AGAP1: variants seen among roughly 807,000 people sequenced by gnomAD.
The protein encoded by AGAP1 is ArfGAP with GTPase domain, ankyrin repeat and PH domain 1, also known as arf-GAP with GTPase, ANK repeat and PH domain-containing protein 1.
In AGAP1, 29 loss-of-function variants were observed where a neutral mutation model predicts 105.3. The observed-to-expected ratio is 0.28, with a 90% CI of 0.21 to 0.38. The LOEUF (loss-of-function observed/expected upper bound fraction) is 0.38, where lower values mean the gene tolerates loss of function less well. Among genes scored for constraint, AGAP1 ranks in the 10% least tolerant of loss-of-function variants. The probability of loss-of-function intolerance (pLI) is 1.00; values close to 1 mark genes in which losing one functional copy is unlikely to be tolerated. For synonymous variants in AGAP1, 509 were observed against 485.9 expected (o/e 1.05, Z -0.63); for missense variants, 998 against 1,165.1 (o/e 0.86, Z 2.09).
chr2:235,832,235 A>C (rs111371561), intron 9 of AGAP1, among the ~76,000 whole-genome samples: 1 of 151,980 alleles, frequency 6.6e-6, no homozygotes, highest in Non-Finnish European at 1.5e-5. Flanking sequence ...TTTTTTATAG[A>C]TATTTTCTCC....
intron 13 of AGAP1, among the ~76,000 whole-genome samples, chr2:235,980,900 A>G (rs2055064292): frequency 6.6e-6 from 1 of 152,198 alleles, no homozygotes; most frequent in South Asian, 2.1e-4. Flanking sequence ...ATGAGGCATG[A>G]TGTTGCCTCT....
At position 235,718,218 on chromosome 2, in the gene AGAP1, A is replaced by T. The variant is rs186911032; in HGVS notation, c.310+574A>T. Reference sequence around the variant, plus strand: ...TTTTGCCTTAAATAAAATTATGATAATGGTAGGAAGCATTTAGCTCCCGTG... The same window carrying T: ...TTTTGCCTTAAATAAAATTATGATATTGGTAGGAAGCATTTAGCTCCCGTG... On this transcript the variant is annotated intron_variant, in intron 3 of 17. Transcript: ENST00000304032. Among the ~76,000 whole-genome samples the T allele has an allele frequency of 1.5e-3, 226 of 152,300 alleles. 1 individual carries two copies. Among genetic ancestry groups the T allele is most frequent in the African/African-American group, 4.8e-3 (199 of 41,558 alleles).
intron 1 of AGAP1, among the ~76,000 whole-genome samples, chr2:235,495,965 A>G (rs1212941171): frequency 6.6e-6 from 1 of 152,198 alleles, no homozygotes; most frequent in Non-Finnish European, 1.5e-5. Context: ...GCCGGCAGGA[A>G]TGTGCCTGAA....
chr2:235,767,777 C>CT (rs71414307), intron 6 of AGAP1, among the ~76,000 whole-genome samples: 10,298 of 61,956 alleles, frequency 0.17, 1,517 homozygotes, highest in Middle Eastern at 0.23. Flanking sequence ...AGTTTCTTGT[C>CT]TTTTTTTTTT....
rs2050085643 is a variant in AGAP1, at chr2:235,882,615, C to G, written c.1051-730C>G. 2.5e-6 allele frequency: 1 copy of G among 402,676 alleles called. No individual in the cohort carries two copies. Among genetic ancestry groups the G allele is most frequent in the East Asian group, 5.3e-5 (1 of 18,708 alleles). The allele number at this position is 402,676 out of a possible 1,614,324, so 24.9% of individuals were successfully genotyped here. On this transcript the variant is annotated intron_variant, in intron 9 of 17. Transcript: ENST00000304032. This position sits in a 1 kb window ranked among gnomAD's most constrained non-coding sequence, Gnocchi z 4.6. ...AGTAGCTGGGATTATAGGTGCCCAC[C>G]ACTGCGTCCAGCTAATTTTTGTATT...
rs1288294289 is a variant in AGAP1, at chr2:235,964,235, TGAG to T, written c.1484-4226_1484-4224del. 6.6e-6 allele frequency among the ~76,000 whole-genome samples: 1 copy of T among 152,062 alleles called. No individual in the cohort carries two copies. The highest frequency in any genetic ancestry group is 1.5e-5 in the Non-Finnish European group (1 of 68,014). Reference sequence around the variant, plus strand: ...TGGGGATGAACATGGCCTGTCGAAATGAGAGGACACCCAAGGGACAGAGTAAAA... The same window carrying T: ...TGGGGATGAACATGGCCTGTCGAAATAGGACACCCAAGGGACAGAGTAAAA... On this transcript the variant is annotated intron_variant, in intron 12 of 17. Transcript: ENST00000304032. The surrounding 1 kb of genome is among the most constrained non-coding windows in gnomAD (Gnocchi z 4.6).
chr2:235,707,740 A>G (rs368170665), intron 1 of AGAP1, among the ~76,000 whole-genome samples: 3 of 129,436 alleles, frequency 2.3e-5, no homozygotes, highest in Admixed American at 1.6e-4. Flanking sequence ...GTGAGATGGT[A>G]GGACGTGCTC....
chr2:235,673,473 A>G (rs1322039762), intron 1 of AGAP1, among the ~76,000 whole-genome samples: 1 of 152,160 alleles, frequency 6.6e-6, no homozygotes, highest in African/African-American at 2.4e-5. Context: ...GTTATATAGA[A>G]CGCTGCTTGT....
intron 16 of AGAP1, among the ~76,000 whole-genome samples, chr2:236,068,797 CAAAAAAAAAA>C (rs35724496): frequency 1.7e-5 from 1 of 57,606 alleles, no homozygotes; most frequent in Admixed American, 2.1e-4. Context: ...GACTCCGTCT[CAAAAAAAAAA>C]AAAAAAAAAA....
In AGAP1 at chr2:235,610,824, G is replaced by T. The variant is rs886649553; in HGVS notation, c.164-98355G>T. Among the ~76,000 whole-genome samples, 2 of 152,010 alleles carry T rather than the reference G, an allele frequency of 1.3e-5. No homozygotes were observed. The highest frequency in any genetic ancestry group is 1.3e-4 in the Admixed American group (2 of 15,260). The stretch of plus-strand genomic sequence containing the variant: ...GCTCTGGTTCAGAAAACTCTTGCAG[G>T]TCCTACTTCCTGCCTTGACACCACC... On this transcript the variant is annotated intron_variant, in intron 1 of 17. Transcript: ENST00000304032. This position sits in a 1 kb window ranked among gnomAD's most constrained non-coding sequence, Gnocchi z 4.9.
At chr2:235,858,719 A>G (rs1415242910) in intron 9 of AGAP1, among the ~76,000 whole-genome samples, 1 of 152,224 alleles carries the variant, frequency 6.6e-6, no homozygotes, top group East Asian at 1.9e-4. Flanking sequence ...AAAGGTCCCT[A>G]GAACATGAAA....
In AGAP1 at chr2:235,994,363, G is replaced by A. The variant is rs1207828570; in HGVS notation, c.1645+25740G>A. ...ATTTTCGTGCTGTGCAATAGTTGAT[G>A]AAGATAACATAGTTTATAACGCACA... On this transcript the variant is annotated intron_variant, in intron 13 of 17. Transcript: ENST00000304032. This position sits in a 1 kb window ranked among gnomAD's most constrained non-coding sequence, Gnocchi z 4.4. Among the ~76,000 whole-genome samples, 1 of 152,162 alleles carries A rather than the reference G, an allele frequency of 6.6e-6. No individual in the cohort carries two copies. Among genetic ancestry groups the A allele is most frequent in the Non-Finnish European group, 1.5e-5 (1 of 68,038 alleles).
chr2:236,116,865 T>C (rs1221399320), intron 16 of AGAP1, among the ~76,000 whole-genome samples: 2 of 152,188 alleles, frequency 1.3e-5, no homozygotes, highest in Admixed American at 6.5e-5. Context: ...CTTTCCATTC[T>C]TGAGTTACTT....
At chr2:235,516,206 A>G (rs754770626) in intron 1 of AGAP1, among the ~76,000 whole-genome samples, 2 of 151,960 alleles carry the variant, frequency 1.3e-5, no homozygotes, top group Admixed American at 6.6e-5. Context: ...CCTCTTTTAC[A>G]TGCATGCCTG....
At chr2:235,583,439 A>G (rs1443369942) in intron 1 of AGAP1, among the ~76,000 whole-genome samples, 1 of 152,004 alleles carries the variant, frequency 6.6e-6, no homozygotes, top group African/African-American at 2.4e-5. Flanking sequence ...ATTTGAACCT[A>G]TGCGGCTGCT....
intron 1 of AGAP1, among the ~76,000 whole-genome samples, chr2:235,677,123 C>T (rs894718383): frequency 6.6e-6 from 1 of 152,196 alleles, no homozygotes; most frequent in African/African-American, 2.4e-5. Flanking sequence ...TCTCTCTTCT[C>T]CTGTGAAGAC....
chr2:235,494,983 G>A, intron 1 of AGAP1, 134 bp downstream of exon 1: 1 of 821,744 alleles, frequency 1.2e-6, no homozygotes. Context: ...GGAGCACTGC[G>A]GCGCTGCTTG....
intron 1 of AGAP1, among the ~76,000 whole-genome samples, chr2:235,674,106 T>G (rs953047209): frequency 6.6e-4 from 101 of 152,220 alleles, no homozygotes; most frequent in African/African-American, 2.3e-3. Context: ...GATTCTCTTG[T>G]ACTGTCTGGT....
At chr2:236,030,186 A>G (rs1246990714) in intron 13 of AGAP1, among the ~76,000 whole-genome samples, 1 of 152,090 alleles carries the variant, frequency 6.6e-6, no homozygotes, top group African/African-American at 2.4e-5. Context: ...TTTAAGAGCA[A>G]TCTGTCTCTA....
Sources: allele counts gnomAD v4.1 joint callset (sites outside exome capture counted in the v4.1 genomes callset), GRCh38; gene constraint gnomAD v4.1.1; non-coding constraint Gnocchi (gnomAD v3.1); transcripts MANE v1.5; gene names NCBI Gene and HGNC (gene_info 2026-07-23, HGNC 2026-07-21).